The following DUSP26 variants were observed in gnomAD, a reference collection of about 807,000 sequenced individuals.
The protein encoded by DUSP26 is dual specificity phosphatase 26, also known as dual specificity protein phosphatase 26.
A neutral mutation model predicts 20.0 loss-of-function variants in DUSP26; 12 were observed. That is an observed-to-expected ratio of 0.60 (90% CI 0.38 to 0.97). The LOEUF is 0.97. Among genes scored for constraint, DUSP26 ranks in the 50% least tolerant of loss-of-function variants. DUSP26 has a pLI of 0.00. For synonymous variants in DUSP26, 120 were observed against 118.8 expected, an observed-to-expected ratio of 1.01 and a Z score of -0.06; for missense variants, 230 against 294.0, an observed-to-expected ratio of 0.78 and a Z score of 1.59.
intron 2 of DUSP26, among the ~76,000 whole-genome samples, chr8:33,596,074 A>C (rs894186855): frequency 1.3e-5 from 2 of 152,188 alleles, no homozygotes; most frequent in African/African-American, 2.4e-5. Flanking sequence ...ACTTGAGGCC[A>C]GGAGTTCAAA....
At position 33,599,929 on chromosome 8, in the gene DUSP26, G is replaced by T. The variant is rs1248398485; in HGVS notation, c.-341C>A. 6.6e-6 allele frequency: 1 copy of T among 152,190 alleles called. No homozygotes were observed. Among genetic ancestry groups the T allele is most frequent in the Non-Finnish European group, 1.5e-5 (1 of 68,058 alleles). The allele number at this position is 152,190 out of a possible 1,614,324, so 9.4% of individuals were successfully genotyped here. ...GTGGGCTCCCCAGCCAACCCCCCACGAGCCCGCGCGCCTTGCAGACCAGAC... is the reference window on the plus strand; with the variant it reads ...GTGGGCTCCCCAGCCAACCCCCCACTAGCCCGCGCGCCTTGCAGACCAGAC... On this transcript the variant is annotated 5_prime_UTR_variant, in exon 1 of 4. Transcript: ENST00000256261.
At chr8:33,593,467 A>G in intron 3 of DUSP26, 66 bp downstream of exon 3, 1 of 1,560,576 alleles carries the variant, frequency 6.4e-7, no homozygotes, top group South Asian at 1.1e-5. Flanking sequence ...CTCCACTCTC[A>G]GACCCTTGGA....
chr8:33,596,851 A>C (rs752733460), intron 2 of DUSP26, among the ~76,000 whole-genome samples: 3 of 152,186 alleles, frequency 2.0e-5, no homozygotes, highest in Non-Finnish European at 4.4e-5. Flanking sequence ...GAAGTCATCT[A>C]TTGTGCCTGG....
intron 2 of DUSP26, among the ~76,000 whole-genome samples, chr8:33,596,553 G>GTGATA (rs1811150897): frequency 6.6e-6 from 1 of 152,222 alleles, no homozygotes; most frequent in Admixed American, 6.5e-5. Context: ...CTGCACTCCA[G>GTGATA]CCTGGGTGAC....
intron 2 of DUSP26, among the ~76,000 whole-genome samples, chr8:33,595,400 G>C (rs899846676): frequency 6.8e-6 from 1 of 147,848 alleles, no homozygotes; most frequent in Non-Finnish European, 1.5e-5. Flanking sequence ...TTGAGATGGT[G>C]TCTTGCTCTG....
At chr8:33,597,744 C>T in intron 1 of DUSP26, 153 bp from the exon 2 acceptor site, 1 of 486,066 alleles carries the variant, frequency 2.1e-6, no homozygotes, top group Non-Finnish European at 3.7e-6. Context: ...CTTCAAGCTG[C>T]AGCAGCTCCT....
chr8:33,598,296 G>A (rs1015208512), intron 1 of DUSP26, among the ~76,000 whole-genome samples: 16 of 152,124 alleles, frequency 1.1e-4, no homozygotes, highest in African/African-American at 3.9e-4. Context: ...GTGCACAACA[G>A]GCAAACCACC....
intron 1 of DUSP26, among the ~76,000 whole-genome samples, chr8:33,599,047 A>C (rs754543094): frequency 8.6e-5 from 13 of 151,992 alleles, no homozygotes; most frequent in Non-Finnish European, 1.8e-4. Flanking sequence ...ATTGGATGTT[A>C]GGGAGTTTAG....
At chr8:33,599,127 C>T (rs1327512786) in intron 1 of DUSP26, among the ~76,000 whole-genome samples, 6 of 141,912 alleles carry the variant, frequency 4.2e-5, no homozygotes, top group Non-Finnish European at 8.8e-5. Flanking sequence ...ATCATCACCA[C>T]CACCATCACC....
chr8:33,597,036 A>G (rs1269841737), intron 2 of DUSP26, among the ~76,000 whole-genome samples: 1 of 152,030 alleles, frequency 6.6e-6, no homozygotes, highest in East Asian at 1.9e-4. Context: ...CCTGTACTCT[A>G]GATACTCCTG....
chr8:33,593,570 A>G lies in DUSP26; in HGVS notation c.399T>C (p.Ala133=). 1 of 1,614,046 alleles carries G rather than the reference A, an allele frequency of 6.2e-7. No individual in the cohort carries two copies. Among genetic ancestry groups the G allele is most frequent in the Non-Finnish European group, 8.5e-7 (1 of 1,179,912 alleles). ...TCAGCGCCCGGTGGATGAAGTCGGC[A>G]GCCGTCTGGAAGTGGATGCTCATGT... ...AFDMSIHFQT[A]ADFIHRALSQ... The change falls in exon 3 of 4, where the codon GCT becomes GCC. Residue 133 remains alanine (A), a synonymous_variant. Coordinates refer to ENST00000256261, the MANE Select transcript of DUSP26 (RefSeq NM_024025.3).
intron 1 of DUSP26, 49 bp downstream of exon 1, chr8:33,599,616 A>G (rs957450721): frequency 5.4e-4 from 82 of 152,058 alleles, no homozygotes; most frequent in African/African-American, 1.7e-3. Flanking sequence ...GCCTCTCCCC[A>G]GCGTGGAGAG....
intron 1 of DUSP26, among the ~76,000 whole-genome samples, chr8:33,598,188 T>C (rs969677767): frequency 1.3e-5 from 2 of 151,526 alleles, no homozygotes; most frequent in African/African-American, 4.9e-5. Flanking sequence ...GGGGGTGGGA[T>C]GGGGTGAGTG....
chr8:33,597,585 G>C lies in DUSP26; in HGVS notation c.-70C>G. ...TGATGATGGGTTCAGTTGCCAGGTA[G>C]CTGCTGCTGGAAGAGGAAGGGGTGT... On this transcript the variant is annotated 5_prime_UTR_variant, in exon 2 of 4. Transcript: ENST00000256261. 2 of 1,386,690 alleles carry C rather than the reference G, an allele frequency of 1.4e-6. No individual in the cohort carries two copies. Among genetic ancestry groups the C allele is most frequent in the South Asian group, 2.7e-5 (2 of 75,166 alleles). The allele number at this position is 1,386,690 out of a possible 1,614,324, so 85.9% of individuals were successfully genotyped here. A position where few individuals can be genotyped will look rare whatever the true frequency, so the allele number is the denominator to read the frequency against.
rs1168142384 is a variant in DUSP26, at chr8:33,592,560, A to AG, written c.437-349_437-348insC. On this transcript the variant is annotated intron_variant, in intron 3 of 3. Coordinates refer to ENST00000256261, the MANE Select transcript of DUSP26 (RefSeq NM_024025.3). ...TCTCAAAAAAAAAAAAAAAAAAAAA[A>AG]AAAAAGGGTGACATGGACAGGGAAG... Among the ~76,000 whole-genome samples the AG allele has an allele frequency of 6.0e-5, 9 of 150,798 alleles. No individual in the cohort carries two copies. In the East Asian group the frequency reaches 1.8e-3, roughly 30 times the overall value.
rs745687703 is a variant in DUSP26, at chr8:33,592,538, C to CAAAAAAAAAAAAAAAAAA, written c.437-344_437-327dup. On this transcript the variant is annotated intron_variant, in intron 3 of 3. Coordinates refer to ENST00000256261, the MANE Select transcript of DUSP26 (RefSeq NM_024025.3). ...AGGCAACAAAAGTGAAACCCCATCT[C>CAAAAAAAAAAAAAAAAAA]AAAAAAAAAAAAAAAAAAAAAAAAA... is the stretch of plus-strand genomic sequence containing the variant. 1.3e-4 allele frequency among the ~76,000 whole-genome samples: 3 copies of CAAAAAAAAAAAAAAAAAA among 23,768 alleles called. 1 individual carries two copies. The highest frequency in any genetic ancestry group is 5.1e-4 in the African/African-American group (3 of 5,868). 15.6% of individuals were successfully genotyped at this position (23,768 alleles called of 152,430 possible).
chr8:33,599,424 C>G (rs1253867724), intron 1 of DUSP26, among the ~76,000 whole-genome samples: 2 of 152,176 alleles, frequency 1.3e-5, no homozygotes, highest in Non-Finnish European at 2.9e-5. Context: ...CCTGGCCCGC[C>G]GCTCCCTCCC....
In DUSP26 at chr8:33,592,007, C is replaced by A. The variant is rs748987864; in HGVS notation, c.*6G>T. The A allele has an allele frequency of 1.9e-6, 3 of 1,612,958 alleles. No homozygotes were observed. The highest frequency in any genetic ancestry group is 1.7e-5 in the Admixed American group (1 of 59,994). On this transcript the variant is annotated 3_prime_UTR_variant, in exon 4 of 4. Coordinates refer to ENST00000256261, the MANE Select transcript of DUSP26 (RefSeq NM_024025.3). ...CGGGCCTGGCCTGACCTCTCTCCCC[C>A]TCCCCTCATGCTTCCAGACCCTGCC...
At chr8:33,594,071 C>T (rs571077594) in intron 2 of DUSP26, among the ~76,000 whole-genome samples, 1 of 151,982 alleles carries the variant, frequency 6.6e-6, no homozygotes, top group East Asian at 2.0e-4. Flanking sequence ...CCTCCCGCCT[C>T]GGCCTTCCAA....
Sources: gnomAD v4.1 joint callset for allele counts (sites outside exome capture counted in the v4.1 genomes callset) on GRCh38, gnomAD v4.1.1 for gene constraint, MANE v1.5 for transcripts, NCBI Gene and HGNC (gene_info 2026-07-23, HGNC 2026-07-21) for gene names.